Variants in TECPR2 observed in about 807,000 individuals in gnomAD.
The protein encoded by TECPR2 is tectonin beta-propeller repeat-containing protein 2.
TECPR2 carries 65 observed loss-of-function variants against 138.1 expected under a neutral mutation model. That is an observed-to-expected ratio of 0.47 (90% CI 0.39 to 0.58). The LOEUF (loss-of-function observed/expected upper bound fraction) is 0.58. Ranked by LOEUF, TECPR2 falls within the 20% of genes least tolerant of loss-of-function variation. TECPR2 has a pLI of 0.00. For synonymous variants in TECPR2, 746 were observed against 749.8 expected, an observed-to-expected ratio of 0.99 and a Z score of 0.08; for missense variants, 1,553 against 1,824.5, an observed-to-expected ratio of 0.85 and a Z score of 2.71.
intron 2 of TECPR2, among the ~76,000 whole-genome samples, chr14:102,401,806 A>AAAAG (rs1888494834): frequency 7.1e-6 from 1 of 140,064 alleles, no homozygotes; most frequent in Admixed American, 6.8e-5. Context: ...CTCCGTCTCA[A>AAAAG]AAAAAAAAAA....
chr14:102,433,494 TTTTATTTATTTA>T lies in TECPR2; in HGVS notation c.1418-721_1418-710del, dbSNP rs10667656. ...TAAAGGACAAGATTTCATTCTTTATTTTTATTTATTTATTTATTTATTTATTTATTTTTTAAT... is the reference window on the plus strand; with the variant it reads ...TAAAGGACAAGATTTCATTCTTTATTTTTATTTATTTATTTATTTTTTAAT... On this transcript the variant is annotated intron_variant, in intron 8 of 19. Coordinates refer to ENST00000359520, the MANE Select transcript of TECPR2 (RefSeq NM_014844.5). 5.9e-3 allele frequency among the ~76,000 whole-genome samples: 880 copies of T among 150,102 alleles called. 3 individuals are homozygous for T. The highest frequency in any genetic ancestry group is 0.021 in the African/African-American group (850 of 41,180).
chr14:102,384,927 G>C (rs1184816599), intron 2 of TECPR2, among the ~76,000 whole-genome samples: 2 of 142,760 alleles, frequency 1.4e-5, no homozygotes, highest in East Asian at 4.2e-4. Flanking sequence ...TGCAATCTCG[G>C]CTCACTGCGA....
intron 2 of TECPR2, among the ~76,000 whole-genome samples, chr14:102,382,096 A>T (rs1887843948): frequency 6.6e-6 from 1 of 152,188 alleles, no homozygotes; most frequent in Non-Finnish European, 1.5e-5. Context: ...GATCGAGACC[A>T]TCCAGGCTAA....
intron 17 of TECPR2, among the ~76,000 whole-genome samples, chr14:102,493,903 C>T (rs1891215017): frequency 6.6e-6 from 1 of 152,182 alleles, no homozygotes; most frequent in African/African-American, 2.4e-5. Context: ...GGGTGGTGCC[C>T]AGCCTTCTGG....
At chr14:102,414,815 G>A (rs778140803) in intron 5 of TECPR2, 22 bp downstream of exon 5, 1 of 1,613,224 alleles carries the variant, frequency 6.2e-7, no homozygotes, top group South Asian at 1.1e-5. Context: ...AAGTTTGCCA[G>A]TTTGGCCTAA....
At chr14:102,369,966 TAAAC>T (rs1317575208) in intron 1 of TECPR2, among the ~76,000 whole-genome samples, 6 of 151,416 alleles carry the variant, frequency 4.0e-5, no homozygotes, top group South Asian at 2.1e-4. Flanking sequence ...AAAAAATAAA[TAAAC>T]AAACAAGCAA....
At chr14:102,436,568 C>G (rs1182445856) in intron 9 of TECPR2, among the ~76,000 whole-genome samples, 1 of 152,216 alleles carries the variant, frequency 6.6e-6, no homozygotes, top group Non-Finnish European at 1.5e-5. Flanking sequence ...AATCTGCCTG[C>G]CTCGGCTTCC....
chr14:102,460,364 A>C lies in TECPR2; in HGVS notation c.3641-4777A>C, dbSNP rs928592203. Among the ~76,000 whole-genome samples the C allele has an allele frequency of 1.4e-4, 22 of 152,200 alleles. 1 individual carries two copies. The highest frequency in any genetic ancestry group is 4.8e-4 in the African/African-American group (20 of 41,544). Reference sequence around the variant, plus strand: ...TACAGTGGCTCATGCCTGTAATCTCAGCACGTTGGGAGGCCAAGGCAGGCA... The same window carrying C: ...TACAGTGGCTCATGCCTGTAATCTCCGCACGTTGGGAGGCCAAGGCAGGCA... On this transcript the variant is annotated intron_variant, in intron 16 of 19. Coordinates refer to ENST00000359520, the MANE Select transcript of TECPR2 (RefSeq NM_014844.5).
chr14:102,435,301 A>G, intron 9 of TECPR2, 90 bp downstream of exon 9: 1 of 1,485,176 alleles, frequency 6.7e-7, no homozygotes, highest in Non-Finnish European at 8.9e-7. Context: ...TTCTCATGGA[A>G]AGAAATTCTA....
intron 1 of TECPR2, among the ~76,000 whole-genome samples, chr14:102,366,528 A>G (rs1887351149): frequency 6.6e-6 from 1 of 152,036 alleles, no homozygotes; most frequent in African/African-American, 2.4e-5. Flanking sequence ...TGTATTTTTT[A>G]GTAGAGATGG....
chr14:102,445,969 A>G, intron 13 of TECPR2, 22 bp downstream of exon 13: 2 of 1,602,100 alleles, frequency 1.2e-6, no homozygotes, highest in Non-Finnish European at 1.7e-6. Context: ...GCTCTGCGCC[A>G]CGTGCCGAGG....
intron 2 of TECPR2, among the ~76,000 whole-genome samples, chr14:102,385,382 A>T (rs996967431): frequency 6.6e-6 from 1 of 152,138 alleles, no homozygotes. Flanking sequence ...TTTGGGGATC[A>T]GACTTCAACA....
intron 2 of TECPR2, among the ~76,000 whole-genome samples, chr14:102,406,512 C>G (rs1487223544): frequency 6.6e-6 from 1 of 151,172 alleles, no homozygotes; most frequent in African/African-American, 2.4e-5. Flanking sequence ...CGCCACTGCA[C>G]TCCAGCCTGG....
intron 4 of TECPR2, among the ~76,000 whole-genome samples, chr14:102,413,028 G>A (rs1216207337): frequency 1.3e-5 from 2 of 152,066 alleles, no homozygotes; most frequent in Admixed American, 6.6e-5. Flanking sequence ...CCTTGGAGGT[G>A]GAGATTGCAG....
At chr14:102,449,600 C>G in intron 13 of TECPR2, 29 bp from the exon 14 acceptor site, 1 of 1,611,632 alleles carries the variant, frequency 6.2e-7, no homozygotes, top group Non-Finnish European at 8.5e-7. Flanking sequence ...GCTCTGACAG[C>G]AGGGCTTTTG....
At chr14:102,446,001 C>G (rs780856073) in intron 13 of TECPR2, 54 bp downstream of exon 13, 10 of 1,549,700 alleles carry the variant, frequency 6.5e-6, no homozygotes, top group Non-Finnish European at 7.9e-6. Flanking sequence ...TTTCTGCTTC[C>G]CCTTTTCTTA....
chr14:102,409,377 AC>A (rs1226478958), intron 4 of TECPR2, among the ~76,000 whole-genome samples: 1 of 150,696 alleles, frequency 6.6e-6, no homozygotes, highest in Non-Finnish European at 1.5e-5. Context: ...TCGGCTTGTG[AC>A]AACCTCCATA....
At chr14:102,433,444 G>A (rs1291039619) in intron 8 of TECPR2, among the ~76,000 whole-genome samples, 1 of 151,900 alleles carries the variant, frequency 6.6e-6, no homozygotes, top group Non-Finnish European at 1.5e-5. Context: ...TAGGATTACG[G>A]CCAGCGGTTC....
chr14:102,412,598 C>G (rs979045434), intron 4 of TECPR2, among the ~76,000 whole-genome samples: 4 of 150,840 alleles, frequency 2.7e-5, no homozygotes, highest in African/African-American at 9.7e-5. Context: ...ACTTGTTTTC[C>G]TTGAAGTGAC....
Sources: gnomAD v4.1 joint callset for allele counts (sites outside exome capture counted in the v4.1 genomes callset) on GRCh38, gnomAD v4.1.1 for gene constraint, MANE v1.5 for transcripts, NCBI Gene and HGNC (gene_info 2026-07-23, HGNC 2026-07-21) for gene names.